TXNDC11: variants seen among roughly 807,000 people sequenced by gnomAD.
TXNDC11 encodes thioredoxin domain containing 11, also known as thioredoxin domain-containing protein 11.
TXNDC11 carries 68 observed loss-of-function variants against 78.0 expected under a neutral mutation model. The observed-to-expected ratio is 0.87, with a 90% CI of 0.72 to 1.07. The LOEUF (loss-of-function observed/expected upper bound fraction) is 1.07, where lower values mean the gene tolerates loss of function less well. Among genes scored for constraint, TXNDC11 ranks in the 50% least tolerant of loss-of-function variants. The probability of loss-of-function intolerance (pLI) is 0.00; values close to 1 mark genes in which losing one functional copy is unlikely to be tolerated. For missense variants in TXNDC11, 1,389 were observed against 1,221.8 expected, an observed-to-expected ratio of 1.14 and a Z score of -2.04; for synonymous variants, 571 against 495.2, an observed-to-expected ratio of 1.15 and a Z score of -2.03.
intron 11 of TXNDC11, among the ~76,000 whole-genome samples, chr16:11,681,768 G>A (rs914800966): frequency 4.6e-5 from 7 of 152,202 alleles, no homozygotes; most frequent in South Asian, 2.1e-4. Context: ...GCACCTGCTC[G>A]GTGGAGCAAG....
At chr16:11,734,491 C>G (rs1447287277) in intron 2 of TXNDC11, among the ~76,000 whole-genome samples, 1 of 152,146 alleles carries the variant, frequency 6.6e-6, no homozygotes, top group Admixed American at 6.5e-5. Context: ...AAACAAACTG[C>G]TTCACCCCTT....
At chr16:11,713,605 C>T (rs1597459961) in intron 5 of TXNDC11, among the ~76,000 whole-genome samples, 1 of 152,078 alleles carries the variant, frequency 6.6e-6, no homozygotes, top group African/African-American at 2.4e-5. Flanking sequence ...TAGTAAACAC[C>T]GGGTTTCTCC....
rs2141979935 is a variant in TXNDC11, at chr16:11,688,447, TA to T, written c.1901-3del. The T allele has an allele frequency of 6.3e-7, 1 of 1,598,570 alleles. No individual in the cohort carries two copies. The highest frequency in any genetic ancestry group is 8.5e-7 in the Non-Finnish European group (1 of 1,172,266). On this transcript the variant is annotated splice_polypyrimidine_tract_variant and splice_region_variant and intron_variant, in intron 8 of 11. Transcript: ENST00000283033. ...CGCTGAAGTTTTGAATAAAAGACTC[TA>T]AAAATAAAGAGAAAATGAGATCAAC...
chr16:11,700,377 T>G (rs1386222616), intron 6 of TXNDC11, 75 bp downstream of exon 6: 2 of 665,014 alleles, frequency 3.0e-6, no homozygotes, highest in Non-Finnish European at 5.2e-6. Context: ...TTTTAACCAA[T>G]TCTCAAAGGA....
chr16:11,688,437 TAA>T lies in TXNDC11; in HGVS notation c.1907_1908del (p.Phe636TyrfsTer9). The T allele has an allele frequency of 1.2e-6, 2 of 1,603,308 alleles. No individual in the cohort carries two copies. The highest frequency in any genetic ancestry group is 1.7e-6 in the Non-Finnish European group (2 of 1,174,888). ...CTATAGAGAACGCTGAAGTTTTGAATAAAAGACTCTAAAAATAAAGAGAAAAT... is the reference window on the plus strand; with the variant it reads ...CTATAGAGAACGCTGAAGTTTTGAATAAGACTCTAAAAATAAAGAGAAAAT... ...QALMKLTLES[F>X]IQNFSVLYSP... On this transcript the variant is annotated frameshift_variant, in exon 9 of 12. Coordinates refer to ENST00000283033, the MANE Select transcript of TXNDC11 (RefSeq NM_015914.7). LOFTEE classifies it high-confidence loss of function.
chr16:11,712,409 G>A (rs910939256), intron 5 of TXNDC11, among the ~76,000 whole-genome samples: 6 of 151,906 alleles, frequency 3.9e-5, no homozygotes, highest in African/African-American at 1.2e-4. Flanking sequence ...CCATCTTCCC[G>A]TCTCCACCTA....
intron 5 of TXNDC11, among the ~76,000 whole-genome samples, chr16:11,713,279 T>G (rs1479324285): frequency 1.7e-5 from 2 of 114,412 alleles, no homozygotes; most frequent in Admixed American, 8.5e-5. Context: ...AGACTCTGTC[T>G]CAAAAAAAAA....
chr16:11,732,109 G>T (rs1166853556), intron 3 of TXNDC11, among the ~76,000 whole-genome samples: 2 of 152,146 alleles, frequency 1.3e-5, no homozygotes, highest in African/African-American at 4.8e-5. Context: ...GCATTTCAAG[G>T]TGCGTACCAC....
rs765068497 is a variant in TXNDC11, at chr16:11,691,926, G to C, written c.1264C>G (p.Pro422Ala). Residue 422 changes from proline to alanine, a missense_variant, in exon 8 of 12, where the codon CCC becomes GCC. By Grantham distance (27) the Pro-to-Ala change is conservative. Coordinates refer to ENST00000283033, the MANE Select transcript of TXNDC11 (RefSeq NM_015914.7). ...GGCAGCACCACAGTGTTGCAGCAGG[G>C]GGACGCTGTGATCGTTGGCGGGTCT... Reference protein sequence around the residue: ...LPDPPTITASPCCNTVVLPQW... With the variant: ...LPDPPTITASACCNTVVLPQW... 6.2e-7 allele frequency: 1 copy of C among 1,612,928 alleles called. No homozygotes were observed. The highest frequency in any genetic ancestry group is 2.2e-5 in the East Asian group (1 of 44,848).
intron 10 of TXNDC11, among the ~76,000 whole-genome samples, chr16:11,687,356 CCTT>C (rs143780420): frequency 0.11 from 17,233 of 152,176 alleles, 1,246 homozygotes; most frequent in East Asian, 0.19. Context: ...TGTATTTGAG[CCTT>C]CTTTTCCCAA....
intron 5 of TXNDC11, among the ~76,000 whole-genome samples, chr16:11,714,831 A>G (rs551329705): frequency 2.6e-5 from 4 of 152,284 alleles, no homozygotes; most frequent in African/African-American, 9.6e-5. Context: ...CCTTTCCTCT[A>G]AAACACTATT....
chr16:11,702,293 G>A (rs934361766), intron 5 of TXNDC11, among the ~76,000 whole-genome samples: 20 of 152,234 alleles, frequency 1.3e-4, no homozygotes, highest in African/African-American at 4.8e-4. Flanking sequence ...TGTTAAAGGA[G>A]GGTGAATAAG....
chr16:11,727,916 T>C (rs1189456891), intron 4 of TXNDC11, among the ~76,000 whole-genome samples: 1 of 152,156 alleles, frequency 6.6e-6, no homozygotes, highest in Non-Finnish European at 1.5e-5. Context: ...CTGCAGATAT[T>C]TTTGGTTGTC....
intron 5 of TXNDC11, among the ~76,000 whole-genome samples, chr16:11,717,033 G>A (rs1262179954): frequency 3.3e-5 from 5 of 151,452 alleles, no homozygotes; most frequent in Non-Finnish European, 4.4e-5. Context: ...AGTAAAGCCA[G>A]GGAGCATAAA....
intron 4 of TXNDC11, among the ~76,000 whole-genome samples, chr16:11,724,829 TCTGA>T (rs1362665907): frequency 6.6e-6 from 1 of 152,172 alleles, no homozygotes; most frequent in African/African-American, 2.4e-5. Flanking sequence ...CACTGCAACC[TCTGA>T]CTCACAGGTT....
rs148033701 is a variant in TXNDC11, at chr16:11,697,241, C to G, written c.1107+884G>C. On this transcript the variant is annotated intron_variant, in intron 7 of 11. Transcript: ENST00000283033. ...ACTCCAGCACAGCAAAGGGAGGGAT[C>G]CACCTGGGCGAGAAGTCCTGCCTCC... Among the ~76,000 whole-genome samples the G allele has an allele frequency of 8.3e-3, 1,258 of 152,302 alleles. 9 individuals are homozygous for G. The highest frequency in any genetic ancestry group is 0.027 in the Middle Eastern group (8 of 294).
intron 7 of TXNDC11, among the ~76,000 whole-genome samples, chr16:11,693,170 T>C (rs1023559494): frequency 3.9e-5 from 6 of 152,082 alleles, no homozygotes; most frequent in African/African-American, 1.4e-4. Flanking sequence ...AGTAAACCCC[T>C]GATGAATGAG....
chr16:11,723,049 G>C (rs970035103), intron 4 of TXNDC11, among the ~76,000 whole-genome samples: 5 of 152,184 alleles, frequency 3.3e-5, no homozygotes, highest in South Asian at 4.1e-4. Context: ...TTGAGGTCAG[G>C]AGTTCAAGAC....
intron 1 of TXNDC11, 160 bp downstream of exon 1, chr16:11,742,317 G>A (rs894215844): frequency 5.8e-6 from 3 of 520,654 alleles, no homozygotes; most frequent in Non-Finnish European, 9.4e-6. Flanking sequence ...CGAGGAGAAG[G>A]TGGGAAGCCG....
Sources: allele counts gnomAD v4.1 joint callset (sites outside exome capture counted in the v4.1 genomes callset), GRCh38; gene constraint gnomAD v4.1.1; transcripts MANE v1.5; gene names NCBI Gene and HGNC (gene_info 2026-07-23, HGNC 2026-07-21).